CDC25A: variants seen among roughly 807,000 people sequenced by gnomAD.
CDC25A encodes M-phase inducer phosphatase 1.
Under a neutral mutation model 64.6 loss-of-function variants are expected in CDC25A, and 17 were observed. The observed-to-expected ratio is 0.26, with a 90% CI of 0.18 to 0.39. CDC25A has a LOEUF of 0.39. Ranked by LOEUF, CDC25A falls within the 10% of genes least tolerant of loss-of-function variation. CDC25A has a pLI of 1.00. For missense variants in CDC25A, 473 were observed against 654.8 expected (o/e 0.72, Z 3.03); for synonymous variants, 229 against 238.6 (o/e 0.96, Z 0.37).
At chr3:48,174,646 G>C in intron 8 of CDC25A, 189 bp from the exon 9 acceptor site, 1 of 546,656 alleles carries the variant, frequency 1.8e-6, no homozygotes, top group South Asian at 2.6e-5. Flanking sequence ...TGAGCACTTA[G>C]TGCTCAATGA....
intron 12 of CDC25A, among the ~76,000 whole-genome samples, chr3:48,165,092 G>A (rs2031946093): frequency 8.0e-6 from 1 of 125,196 alleles, no homozygotes; most frequent in African/African-American, 2.9e-5. Flanking sequence ...CCTGGCGACA[G>A]AGCGGACTCT....
chr3:48,184,710 A>T lies in CDC25A; in HGVS notation c.248-15T>A. On this transcript the variant is annotated splice_polypyrimidine_tract_variant and intron_variant, in intron 2 of 14. Coordinates refer to ENST00000302506, the MANE Select transcript of CDC25A (RefSeq NM_001789.3). ...TAGACAGAAACCTATGGGGAAAAAAAAAACCTCTCAAGAAATAATACAAAA... is the reference window on the plus strand; with the variant it reads ...TAGACAGAAACCTATGGGGAAAAAATAAACCTCTCAAGAAATAATACAAAA... 2 of 1,572,634 alleles carry T rather than the reference A, an allele frequency of 1.3e-6. No homozygotes were observed. Among genetic ancestry groups the T allele is most frequent in the Non-Finnish European group, 1.7e-6 (2 of 1,161,856 alleles).
intron 8 of CDC25A, among the ~76,000 whole-genome samples, chr3:48,176,073 C>G (rs1174894381): frequency 6.6e-6 from 1 of 152,136 alleles, no homozygotes; most frequent in Non-Finnish European, 1.5e-5. Context: ...AAGGCTGAGC[C>G]AGAAGAAGCA....
rs775855724 is a variant in CDC25A at position 48,157,368 on chromosome 3, C to G, written c.*1577G>C. 4 of 152,516 alleles carry G rather than the reference C, an allele frequency of 2.6e-5. No homozygotes were observed. The highest frequency in any genetic ancestry group is 5.9e-5 in the Non-Finnish European group (4 of 68,026). 9.4% of individuals were successfully genotyped at this position (152,516 alleles called of 1,614,324 possible). A position where few individuals can be genotyped will look rare whatever the true frequency, so the allele number is the denominator to read the frequency against. On this transcript the variant is annotated 3_prime_UTR_variant, in exon 15 of 15. Transcript: ENST00000302506. ...GCGTGTAGGAAGAAGTCCTCTCCCC[C>G]ACATTTTTCCCAACAAGATTGTTTT...
intron 13 of CDC25A, among the ~76,000 whole-genome samples, chr3:48,163,698 G>A (rs2031886470): frequency 6.6e-6 from 1 of 152,170 alleles, no homozygotes; most frequent in South Asian, 2.1e-4. Flanking sequence ...TCCTGCAGAA[G>A]TCTCCCTTGG....
intron 2 of CDC25A, among the ~76,000 whole-genome samples, 181 bp from the exon 3 acceptor site, chr3:48,184,876 A>G (rs1384321306): frequency 6.6e-6 from 1 of 152,174 alleles, no homozygotes; most frequent in Non-Finnish European, 1.5e-5. Flanking sequence ...TCATGTTTGT[A>G]CAAGTCTTAA....
chr3:48,182,918 G>A lies in CDC25A; in HGVS notation c.429+11C>T, dbSNP rs372420282. ...CTCTGCCTCAGGTTAGTACATTGAA[G>A]TCACACTCACATTTTCCTTGTTCTC... On this transcript the variant is annotated intron_variant, in intron 5 of 14. Coordinates refer to ENST00000302506, the MANE Select transcript of CDC25A (RefSeq NM_001789.3). 24 of 1,568,790 alleles carry A rather than the reference G, an allele frequency of 1.5e-5. 1 individual carries two copies. Among genetic ancestry groups the A allele is most frequent in the African/African-American group, 8.1e-5 (6 of 74,010 alleles).
intron 4 of CDC25A, among the ~76,000 whole-genome samples, chr3:48,183,570 C>T (rs1256337208): frequency 6.6e-6 from 1 of 152,096 alleles, no homozygotes; most frequent in East Asian, 1.9e-4. Context: ...AGTCCCAGCT[C>T]CTCTGGAAGT....
chr3:48,174,443 C>T lies in CDC25A; in HGVS notation c.771G>A (p.Lys257=), dbSNP rs754010562. 1 of 1,609,810 alleles carries T rather than the reference C, an allele frequency of 6.2e-7. No homozygotes were observed. Among genetic ancestry groups the T allele is most frequent in the Non-Finnish European group, 8.5e-7 (1 of 1,178,896 alleles). ...TACACAGGGAAGGGGAGTCAAACAG[C>T]TTGCATCGGTTGTCCTTACAGGAAA... ...MRTTNLDNRC[K]LFDSPSLCSS... The change falls in exon 9 of 15, where the codon AAG becomes AAA. Residue 257 remains lysine (K), a synonymous_variant. Coordinates refer to ENST00000302506, the MANE Select transcript of CDC25A (RefSeq NM_001789.3).
chr3:48,169,757 C>T (rs2032197443), intron 9 of CDC25A, among the ~76,000 whole-genome samples: 1 of 152,132 alleles, frequency 6.6e-6, no homozygotes, highest in African/African-American at 2.4e-5. Context: ...CCTGTAATCC[C>T]AGCACTTTGG....
intron 5 of CDC25A, chr3:48,181,612 T>C: frequency 6.9e-7 from 1 of 1,456,384 alleles, no homozygotes; most frequent in South Asian, 1.1e-5. Context: ...CTATGGGATT[T>C]GTCACTGGAT....
At chr3:48,165,561 G>T (rs2031980782) in intron 12 of CDC25A, 75 bp downstream of exon 12, 3 of 981,652 alleles carry the variant, frequency 3.1e-6, no homozygotes, top group Admixed American at 1.9e-5. Context: ...GTGGCCAGGT[G>T]TCACTGTCCT....
chr3:48,165,873 A>G lies in CDC25A; in HGVS notation c.1050T>C (p.Val350=). 6.2e-7 allele frequency: 1 copy of G among 1,605,820 alleles called. No homozygotes were observed. Among genetic ancestry groups the G allele is most frequent in the Non-Finnish European group, 8.5e-7 (1 of 1,172,396 alleles). Residue 350 remains valine (V), a synonymous_variant, in exon 11 of 15, where the codon GTT becomes GTC. Coordinates refer to ENST00000302506, the MANE Select transcript of CDC25A (RefSeq NM_001789.3). ...ATTTTAAATCCTGATGTTTCCCAGC[A>G]ACTGTATGAAAGAGATAACCCTTAA... The part of the protein sequence containing the change: ...DFSKGYLFHT[V]AGKHQDLKYI...
At chr3:48,187,031 G>A (rs988594178) in intron 1 of CDC25A, among the ~76,000 whole-genome samples, 1 of 152,168 alleles carries the variant, frequency 6.6e-6, no homozygotes, top group Non-Finnish European at 1.5e-5. Flanking sequence ...AAATGTTGGG[G>A]TATTTCCTAA....
intron 5 of CDC25A, among the ~76,000 whole-genome samples, chr3:48,182,547 C>A (rs967561240): frequency 2.2e-4 from 33 of 152,140 alleles, no homozygotes; most frequent in African/African-American, 8.0e-4. Context: ...AGGGTCAGAG[C>A]AAAGAGGCAA....
At chr3:48,169,870 G>T (rs1237293267) in intron 9 of CDC25A, among the ~76,000 whole-genome samples, 6 of 152,006 alleles carry the variant, frequency 3.9e-5, no homozygotes, top group Admixed American at 6.6e-5. Flanking sequence ...TTAGCCAGGC[G>T]TGGTGGTGGG....
intron 10 of CDC25A, 78 bp downstream of exon 10, chr3:48,167,768 G>T: frequency 1.2e-6 from 1 of 804,754 alleles, no homozygotes; most frequent in East Asian, 2.4e-5. Context: ...CCACCCTGGG[G>T]AGGGAGACAG....
intron 5 of CDC25A, chr3:48,181,728 G>A: frequency 1.3e-6 from 1 of 756,486 alleles, no homozygotes; most frequent in East Asian, 2.5e-5. Context: ...TGGAAGTAAA[G>A]ACTGGCTGAA....
At position 48,187,958 on chromosome 3, in the gene CDC25A, G is replaced by A. The variant is rs1210006532; in HGVS notation, c.-11C>T. 19 of 1,469,888 alleles carry A rather than the reference G, an allele frequency of 1.3e-5. No individual in the cohort carries two copies. The highest frequency in any genetic ancestry group is 1.7e-5 in the Non-Finnish European group (19 of 1,116,092). The allele number at this position is 1,469,888 out of a possible 1,614,324, so 91.1% of individuals were successfully genotyped here. A position where few individuals can be genotyped will look rare whatever the true frequency, so the allele number is the denominator to read the frequency against. ...CGGGCCCAGTTCCATGGCGGCGCCC[G>A]GCCTCGCAGAGCTCCCGCTCCCTCT... On this transcript the variant is annotated 5_prime_UTR_variant, in exon 1 of 15. Coordinates refer to ENST00000302506, the MANE Select transcript of CDC25A (RefSeq NM_001789.3).
Sources: allele counts gnomAD v4.1 joint callset (sites outside exome capture counted in the v4.1 genomes callset), GRCh38; gene constraint gnomAD v4.1.1; transcripts MANE v1.5; gene names NCBI Gene and HGNC (gene_info 2026-07-23, HGNC 2026-07-21).